Variants in NAV2 observed in about 807,000 individuals in gnomAD.
NAV2 encodes helicase, APC down-regulated 1.
NAV2 carries 54 observed loss-of-function variants against 223.2 expected under a neutral mutation model. The observed-to-expected ratio is 0.24, with a 90% confidence interval of 0.19 to 0.30. The LOEUF is 0.30. NAV2 is among the 10% of genes least tolerant of loss of function. The pLI is 1.00. For synonymous variants in NAV2, 1,279 were observed against 1,239.3 expected (o/e 1.03, Z -0.67); for missense variants, 2,806 against 3,147.5 (o/e 0.89, Z 2.60).
intron 1 of NAV2, among the ~76,000 whole-genome samples, chr11:19,640,156 C>T (rs1220291483): frequency 6.6e-6 from 1 of 152,112 alleles, no homozygotes; most frequent in African/African-American, 2.4e-5. Flanking sequence ...TTAAGTTACC[C>T]AAATAACAAA....
At chr11:19,777,093 A>ACCCCCCCCCCCCCCCC (rs1166485329) in intron 1 of NAV2, among the ~76,000 whole-genome samples, 1 of 126,156 alleles carries the variant, frequency 7.9e-6, no homozygotes, top group African/African-American at 2.8e-5. Context: ...CCAGCCGCCG[A>ACCCCCCCCCCCCCCCC]CCCCCCCCCC....
chr11:19,877,968 G>A (rs1317835688), intron 4 of NAV2, among the ~76,000 whole-genome samples: 2 of 152,174 alleles, frequency 1.3e-5, no homozygotes, highest in Non-Finnish European at 2.9e-5. Context: ...CATGCTACAG[G>A]TGTGTGGCTC....
At chr11:20,110,523 G>T (rs535532351) in intron 36 of NAV2, among the ~76,000 whole-genome samples, 1 of 152,234 alleles carries the variant, frequency 6.6e-6, no homozygotes, top group East Asian at 1.9e-4. Flanking sequence ...GGACGTTCTT[G>T]CCCCGTACCA....
chr11:19,351,754 T>A (rs1853326933), intron 1 of NAV2, among the ~76,000 whole-genome samples: 1 of 148,780 alleles, frequency 6.7e-6, no homozygotes, highest in Non-Finnish European at 1.5e-5. Flanking sequence ...CAAATTTTTG[T>A]TGAACTGAAA....
intron 1 of NAV2, among the ~76,000 whole-genome samples, chr11:19,605,054 A>G: frequency 6.6e-6 from 1 of 152,092 alleles, no homozygotes; most frequent in East Asian, 1.9e-4. Flanking sequence ...AAAATGGACT[A>G]ATACATTGGT....
intron 8 of NAV2, 106 bp from the exon 9 acceptor site, chr11:19,946,295 A>T: frequency 2.2e-6 from 2 of 923,768 alleles, no homozygotes; most frequent in Non-Finnish European, 3.2e-6. Context: ...ACAGCAAGGC[A>T]CGTGCTGAGC....
intron 1 of NAV2, among the ~76,000 whole-genome samples, chr11:19,427,596 A>AGTT (rs1171775963): frequency 5.9e-5 from 9 of 152,108 alleles, no homozygotes; most frequent in Non-Finnish European, 1.2e-4. Flanking sequence ...TGGCACAAAT[A>AGTT]GTTGTTGTTG....
chr11:19,494,855 A>G (rs2042743554), intron 1 of NAV2, among the ~76,000 whole-genome samples: 1 of 152,046 alleles, frequency 6.6e-6, no homozygotes, highest in Non-Finnish European at 1.5e-5. Context: ...TCCTCTCCCC[A>G]TTCTGGGTTA....
intron 1 of NAV2, among the ~76,000 whole-genome samples, chr11:19,743,530 A>G (rs2053046152): frequency 1.3e-5 from 2 of 152,138 alleles, no homozygotes; most frequent in Non-Finnish European, 2.9e-5. Flanking sequence ...GGGAATGCCT[A>G]GTGCCTGCAG....
Position 19,825,670 on chromosome 11 carries a change from G to T in NAV2, c.268-6814G>T, listed in dbSNP as rs376028434. On this transcript the variant is annotated intron_variant, in intron 1 of 37. Transcript: ENST00000349880. ...TAGTGCTACCCGGCTTCATTTGAGG[G>T]CTAATTGCAGTATAAACTTAGCAGT... is the stretch of plus-strand genomic sequence containing the variant. 2.6e-5 allele frequency among the ~76,000 whole-genome samples: 4 copies of T among 152,168 alleles called. No individual in the cohort carries two copies. In the East Asian group the frequency reaches 7.7e-4, roughly 29 times the overall value.
chr11:20,020,439 GC>G (rs1451074899), intron 11 of NAV2, among the ~76,000 whole-genome samples: 1 of 152,234 alleles, frequency 6.6e-6, no homozygotes, highest in Non-Finnish European at 1.5e-5. Flanking sequence ...AAGGGCATCT[GC>G]CCTCATGGAG....
At chr11:20,000,057 A>G (rs2052390007) in intron 11 of NAV2, among the ~76,000 whole-genome samples, 1 of 152,106 alleles carries the variant, frequency 6.6e-6, no homozygotes, top group Admixed American at 6.5e-5. Context: ...GGGAGGTCTC[A>G]CTCAGCTCTT....
intron 1 of NAV2, among the ~76,000 whole-genome samples, chr11:19,378,878 T>C (rs11607919): frequency 2.5e-3 from 383 of 152,262 alleles, no homozygotes; most frequent in Non-Finnish European, 4.5e-3. Flanking sequence ...CTTTGTTGTT[T>C]TCTTCCAGTT....
intron 11 of NAV2, among the ~76,000 whole-genome samples, chr11:20,014,394 A>G (rs1049586396): frequency 1.3e-5 from 2 of 152,164 alleles, no homozygotes; most frequent in African/African-American, 4.8e-5. Flanking sequence ...CCCCTACAGC[A>G]CCCTTAATAA....
At chr11:19,450,606 A>C (rs563277110) in intron 1 of NAV2, among the ~76,000 whole-genome samples, 90 of 152,328 alleles carry the variant, frequency 5.9e-4, no homozygotes, top group Admixed American at 4.3e-3. Flanking sequence ...ATTAATAAAA[A>C]TATCAGAAAC....
intron 11 of NAV2, chr11:20,027,186 A>G: frequency 1.2e-6 from 1 of 825,492 alleles, no homozygotes; most frequent in Non-Finnish European, 1.5e-6. Flanking sequence ...AATAGTTAAC[A>G]TACCTGTTTG....
intron 5 of NAV2, among the ~76,000 whole-genome samples, chr11:19,888,629 C>T (rs375286589): frequency 6.6e-6 from 1 of 152,206 alleles, no homozygotes; most frequent in East Asian, 1.9e-4. Flanking sequence ...AGGACCAAGT[C>T]CAAGCTCCAT....
intron 25 of NAV2, among the ~76,000 whole-genome samples, chr11:20,081,322 C>T (rs376320361): frequency 6.6e-6 from 1 of 152,116 alleles, no homozygotes; most frequent in South Asian, 2.1e-4. Context: ...CTCTAATATG[C>T]AATCGATAAA....
intron 2 of NAV2, among the ~76,000 whole-genome samples, chr11:19,838,384 G>A (rs983689953): frequency 6.6e-6 from 1 of 152,122 alleles, no homozygotes; most frequent in African/African-American, 2.4e-5. Flanking sequence ...CAAGACTTCA[G>A]ACTTTATTAA....
Sources: allele counts gnomAD v4.1 joint callset (sites outside exome capture counted in the v4.1 genomes callset), GRCh38; gene constraint gnomAD v4.1.1; transcripts MANE v1.5; gene names NCBI Gene and HGNC (gene_info 2026-07-23, HGNC 2026-07-21).